Variants in ADAMTS6 observed in about 807,000 individuals in gnomAD.
ADAMTS6 encodes the protein ADAM metallopeptidase with thrombospondin type 1 motif 6.
ADAMTS6 carries 23 observed loss-of-function variants against 144.3 expected under a neutral mutation model. The observed-to-expected ratio is 0.16, with a 90% CI of 0.11 to 0.23. ADAMTS6 has a LOEUF of 0.23. Ranked by LOEUF, ADAMTS6 falls within the 10% of genes least tolerant of loss-of-function variation. The pLI is 1.00. For synonymous variants in ADAMTS6, 444 were observed against 457.5 expected (o/e 0.97, Z 0.38); for missense variants, 999 against 1,379.6 (o/e 0.72, Z 4.37).
intron 7 of ADAMTS6, among the ~76,000 whole-genome samples, chr5:65,419,367 A>T (rs1755819314): frequency 6.6e-6 from 1 of 152,162 alleles, no homozygotes; most frequent in Non-Finnish European, 1.5e-5. Context: ...AGACATAAAG[A>T]CGGCAACAAT....
chr5:65,416,745 AT>A (rs1755558561), intron 7 of ADAMTS6, among the ~76,000 whole-genome samples: 1 of 84,782 alleles, frequency 1.2e-5, no homozygotes, highest in Admixed American at 9.8e-5. Context: ...GCAAGACTCC[AT>A]TTAAAAAAAA....
chr5:65,173,089 T>C, intron 22 of ADAMTS6, 81 bp from the exon 23 acceptor site: 1 of 1,408,550 alleles, frequency 7.1e-7, no homozygotes, highest in Non-Finnish European at 9.8e-7. Context: ...TTCATGTAAA[T>C]GTGTGTTTTA....
chr5:65,401,358 C>T (rs1212289798), intron 7 of ADAMTS6, among the ~76,000 whole-genome samples: 6 of 152,126 alleles, frequency 3.9e-5, no homozygotes, highest in Non-Finnish European at 8.8e-5. Context: ...TGATCAAACC[C>T]CACAGATTAG....
At chr5:65,262,680 C>T in intron 13 of ADAMTS6, 137 bp downstream of exon 13, 1 of 982,772 alleles carries the variant, frequency 1.0e-6, no homozygotes, top group Non-Finnish European at 1.4e-6. Context: ...CTCCACTTTC[C>T]TGTGCCTATG....
intron 7 of ADAMTS6, among the ~76,000 whole-genome samples, chr5:65,438,118 G>C (rs1472790022): frequency 6.6e-6 from 1 of 152,152 alleles, no homozygotes; most frequent in Non-Finnish European, 1.5e-5. Context: ...AGATGGATTA[G>C]CCTCTCAACA....
chr5:65,381,573 A>G (rs1365625347), intron 7 of ADAMTS6, among the ~76,000 whole-genome samples: 1 of 129,358 alleles, frequency 7.7e-6, no homozygotes, highest in Non-Finnish European at 1.6e-5. Context: ...TTTAGTAGAG[A>G]TAGGGTTTCA....
At chr5:65,346,992 G>A (rs573665221) in intron 7 of ADAMTS6, among the ~76,000 whole-genome samples, 1 of 150,410 alleles carries the variant, frequency 6.6e-6, no homozygotes, top group African/African-American at 2.4e-5. Context: ...AGCCAAAAAG[G>A]TGAAAGATCT....
intron 7 of ADAMTS6, among the ~76,000 whole-genome samples, chr5:65,369,737 T>G (rs140651445): frequency 5.3e-5 from 8 of 152,286 alleles, no homozygotes; most frequent in Middle Eastern, 3.4e-3. Flanking sequence ...GTACTATACA[T>G]TGGGTATATT....
chr5:65,385,041 A>C (rs915566820), intron 7 of ADAMTS6, among the ~76,000 whole-genome samples: 4 of 152,152 alleles, frequency 2.6e-5, no homozygotes, highest in African/African-American at 9.7e-5. Flanking sequence ...TAAGGGCACT[A>C]ATCCCATTCA....
intron 14 of ADAMTS6, among the ~76,000 whole-genome samples, chr5:65,245,726 T>C (rs931602853): frequency 6.6e-6 from 1 of 152,042 alleles, no homozygotes; most frequent in African/African-American, 2.4e-5. Flanking sequence ...AAGGTCCACA[T>C]AGTAAATATT....
intron 24 of ADAMTS6, among the ~76,000 whole-genome samples, chr5:65,158,680 T>C (rs1752571628): frequency 6.6e-6 from 1 of 152,162 alleles, no homozygotes; most frequent in Non-Finnish European, 1.5e-5. Context: ...TTAATTCACT[T>C]TTAGCAGCAA....
At chr5:65,365,952 A>G (rs1056671566) in intron 7 of ADAMTS6, among the ~76,000 whole-genome samples, 9 of 152,130 alleles carry the variant, frequency 5.9e-5, no homozygotes, top group African/African-American at 2.2e-4. Context: ...TATATAATCA[A>G]ATGCTAAGAG....
chr5:65,210,508 T>C (rs1756446442), intron 20 of ADAMTS6: 2 of 357,966 alleles, frequency 5.6e-6, no homozygotes, highest in Non-Finnish European at 1.1e-5. Context: ...TGGAGATGAA[T>C]ATAATGTGGA....
rs946026763 is a variant in ADAMTS6, at chr5:65,452,816, G to A, written c.734C>T (p.Ser245Leu). Residue 245 changes from serine to leucine, a missense_variant, in exon 5 of 25, where the codon TCA becomes TTA. Ser to Leu is a moderately radical substitution (Grantham distance 145). Around this residue, in one of 3 missense-constraint regions of ADAMTS6, gnomAD observed 252 missense variants for 293.7 expected, o/e 0.86. Coordinates refer to ENST00000381055, the MANE Select transcript of ADAMTS6 (RefSeq NM_197941.4). ...CTCCACAAACCGTTCAATGCTCACT[G>A]ATCTCTTCTGTCTGTGGTGGATATG... ...NTHIHHRQKR[S>L]VSIERFVETL... 1.7e-5 allele frequency: 27 copies of A among 1,613,976 alleles called. No individual in the cohort carries two copies. Among genetic ancestry groups the A allele is most frequent in the Non-Finnish European group, 2.3e-5 (27 of 1,179,980 alleles).
At chr5:65,465,984 C>G (rs1759967595) in intron 3 of ADAMTS6, among the ~76,000 whole-genome samples, 1 of 152,160 alleles carries the variant, frequency 6.6e-6, no homozygotes, top group Non-Finnish European at 1.5e-5. Context: ...TAATTCATAT[C>G]TCTCTTCTGA....
intron 24 of ADAMTS6, among the ~76,000 whole-genome samples, chr5:65,161,377 A>G (rs1752769022): frequency 6.6e-6 from 1 of 152,204 alleles, no homozygotes; most frequent in African/African-American, 2.4e-5. Context: ...CGTCCATTCC[A>G]TATCTCTATG....
At chr5:65,219,355 AC>A (rs1240663170) in intron 18 of ADAMTS6, among the ~76,000 whole-genome samples, 6 of 151,910 alleles carry the variant, frequency 3.9e-5, no homozygotes, top group Admixed American at 2.0e-4. Flanking sequence ...CCGACCCCCA[AC>A]CCCCCCACCA....
At chr5:65,205,434 T>C (rs906019163) in intron 20 of ADAMTS6, among the ~76,000 whole-genome samples, 1 of 152,242 alleles carries the variant, frequency 6.6e-6, no homozygotes, top group Non-Finnish European at 1.5e-5. Flanking sequence ...TCTGGTACTT[T>C]GAGAACTGTT....
chr5:65,253,944 A>G (rs919913587), intron 14 of ADAMTS6, among the ~76,000 whole-genome samples: 11 of 147,728 alleles, frequency 7.4e-5, no homozygotes, highest in Non-Finnish European at 1.5e-4. Context: ...CCTCCCACTC[A>G]AGCAATCCTC....
Sources: allele counts gnomAD v4.1 joint callset (sites outside exome capture counted in the v4.1 genomes callset), GRCh38; gene constraint gnomAD v4.1.1; regional missense constraint gnomAD v4.1.1; transcripts MANE v1.5; gene names NCBI Gene and HGNC (gene_info 2026-07-23, HGNC 2026-07-21).